FER1L6: variants seen among roughly 807,000 people sequenced by gnomAD.
FER1L6 encodes fer-1 like family member 6, also known as fer-1-like protein 6.
In FER1L6, 177 loss-of-function variants were observed where a neutral mutation model predicts 219.2. The observed-to-expected ratio is 0.81, with a 90% confidence interval of 0.71 to 0.91. The LOEUF is 0.91. Ranked by LOEUF, FER1L6 falls within the 40% of genes least tolerant of loss-of-function variation. The probability of loss-of-function intolerance (pLI) is 0.00; values close to 1 mark genes in which losing one functional copy is unlikely to be tolerated. For synonymous variants in FER1L6, 768 were observed against 824.3 expected, an observed-to-expected ratio of 0.93 and a Z score of 1.17; for missense variants, 2,153 against 2,259.9, an observed-to-expected ratio of 0.95 and a Z score of 0.96.
At chr8:123,968,713 C>A (rs552306377) in intron 5 of FER1L6, among the ~76,000 whole-genome samples, 1 of 152,286 alleles carries the variant, frequency 6.6e-6, no homozygotes, top group East Asian at 1.9e-4. Context: ...AAACAGAAGA[C>A]ACTGAACAGA....
chr8:124,030,312 G>C (rs9297682), intron 18 of FER1L6, among the ~76,000 whole-genome samples: 48,421 of 152,044 alleles, frequency 0.32, 8,023 homozygotes, highest in South Asian at 0.36. Context: ...ATCAGTAACA[G>C]CAATGAAGGT....
chr8:123,946,233 T>C (rs975714160), intron 1 of FER1L6, among the ~76,000 whole-genome samples: 1 of 152,220 alleles, frequency 6.6e-6, no homozygotes, highest in African/African-American at 2.4e-5. Context: ...ATCTGTTTAA[T>C]GAACAGGTTA....
intron 1 of FER1L6, among the ~76,000 whole-genome samples, chr8:123,886,612 A>T (rs1447607400): frequency 6.6e-6 from 1 of 152,214 alleles, no homozygotes. Context: ...TGCTGTAGCA[A>T]CACAAAATAG....
chr8:123,915,507 G>C (rs779190805), intron 1 of FER1L6, among the ~76,000 whole-genome samples: 4 of 152,092 alleles, frequency 2.6e-5, no homozygotes, highest in Non-Finnish European at 4.4e-5. Context: ...ATAGAATTGG[G>C]CTGATTGACT....
chr8:123,977,636 A>C (rs764363045), intron 10 of FER1L6, 27 bp downstream of exon 10: 3 of 1,604,242 alleles, frequency 1.9e-6, no homozygotes, highest in East Asian at 4.5e-5. Flanking sequence ...CTGACTTGAA[A>C]AATGTCTCAA....
intron 31 of FER1L6, among the ~76,000 whole-genome samples, chr8:124,072,560 T>C (rs1383762911): frequency 6.6e-6 from 1 of 152,204 alleles, no homozygotes; most frequent in Non-Finnish European, 1.5e-5. Context: ...GGAACATAAA[T>C]GTAACACAAA....
intron 3 of FER1L6, among the ~76,000 whole-genome samples, chr8:123,963,652 T>C (rs917917629): frequency 3.3e-5 from 5 of 152,204 alleles, no homozygotes; most frequent in Admixed American, 2.0e-4. Context: ...TGAGTGAAGG[T>C]GCTCATGTCG....
rs191033338 is a variant in FER1L6, at chr8:123,931,439, A to G, written c.-7-24553A>G. Among the ~76,000 whole-genome samples the G allele has an allele frequency of 2.0e-5, 3 of 152,268 alleles. No homozygotes were observed. In the East Asian group the frequency reaches 5.8e-4, roughly 29 times the overall value. ...TTGGTTCCATTGAAATTCACTTGCT[A>G]TGTACACATCTGTTGTGAGAAAAAC... On this transcript the variant is annotated intron_variant, in intron 1 of 40. Coordinates refer to ENST00000522917, the MANE Select transcript of FER1L6 (RefSeq NM_001039112.2).
intron 15 of FER1L6, among the ~76,000 whole-genome samples, chr8:124,017,138 G>T (rs1426290354): frequency 1.3e-5 from 2 of 152,002 alleles, no homozygotes; most frequent in Non-Finnish European, 2.9e-5. Context: ...TTCTTGAATG[G>T]CATTCACAAT....
intron 25 of FER1L6, among the ~76,000 whole-genome samples, chr8:124,063,429 C>T (rs1820682050): frequency 6.6e-6 from 1 of 152,182 alleles, no homozygotes; most frequent in Non-Finnish European, 1.5e-5. Flanking sequence ...TTAGCTTTCT[C>T]ATTTAGATCT....
At chr8:124,076,884 G>A (rs929506916) in intron 32 of FER1L6, among the ~76,000 whole-genome samples, 7 of 152,206 alleles carry the variant, frequency 4.6e-5, no homozygotes, top group Non-Finnish European at 8.8e-5. Context: ...GACCCCTGAG[G>A]TCAAAGAGTT....
intron 18 of FER1L6, among the ~76,000 whole-genome samples, chr8:124,025,293 A>G (rs1301328901): frequency 2.0e-5 from 3 of 151,734 alleles, no homozygotes; most frequent in Non-Finnish European, 2.9e-5. Context: ...TTTCTTCCAG[A>G]GTTTTTATGG....
chr8:124,084,903 G>A (rs75171549), intron 33 of FER1L6, among the ~76,000 whole-genome samples: 2,142 of 152,124 alleles, frequency 0.014, 51 homozygotes, highest in African/African-American at 0.049. Flanking sequence ...TCTTTGCTAG[G>A]AGACTTTTTA....
chr8:123,973,450 T>A lies in FER1L6; in HGVS notation c.464T>A (p.Leu155Gln). ...IIKISVFHHK[L>Q]IGSVLIGSFK... is the part of the protein sequence containing the mutation. ...TCTCCTCAGGTCTTTCACCACAAGC[T>A]GATAGGAAGTGTACTGATTGGCTCT... Residue 155 changes from leucine (L) to glutamine (Q), a missense_variant, in exon 7 of 41, where the codon CTG (leucine) becomes CAG (glutamine). Transcript: ENST00000522917. 1 of 1,614,018 alleles carries A rather than the reference T, an allele frequency of 6.2e-7. No homozygotes were observed. The highest frequency in any genetic ancestry group is 8.5e-7 in the Non-Finnish European group (1 of 1,179,890).
In FER1L6 at chr8:123,963,405, T is replaced by C; in HGVS notation, c.197+7T>C. ...CAGCTTCTCCAAAGAGAAGGTACAG[T>C]ATGGATGCAGGTGGTCAACACACAT... On this transcript the variant is annotated splice_region_variant and intron_variant, in intron 3 of 40. Transcript: ENST00000522917. 1 of 1,613,846 alleles carries C rather than the reference T, an allele frequency of 6.2e-7. No homozygotes were observed. The highest frequency in any genetic ancestry group is 1.7e-5 in the Admixed American group (1 of 60,020).
At chr8:124,098,163 T>C (rs773368855) in intron 37 of FER1L6, among the ~76,000 whole-genome samples, 1 of 152,224 alleles carries the variant, frequency 6.6e-6, no homozygotes, top group Non-Finnish European at 1.5e-5. Context: ...TTGTCAGATA[T>C]CTACCTTTAA....
intron 1 of FER1L6, among the ~76,000 whole-genome samples, chr8:123,946,032 T>C (rs1247834209): frequency 6.6e-6 from 1 of 152,184 alleles, no homozygotes; most frequent in African/African-American, 2.4e-5. Flanking sequence ...AGTGTATCTG[T>C]TATCAGAGGT....
rs142719929 is a variant in FER1L6, at chr8:124,019,358, G to A, written c.2013+1640G>A. ...AAATGTCATATTCTCCAGGTAACCA[G>A]CTTTGCCCCTGTCTAGCACCACAGT... On this transcript the variant is annotated intron_variant, in intron 16 of 40. Transcript: ENST00000522917. Among the ~76,000 whole-genome samples, 7 of 152,294 alleles carry A rather than the reference G, an allele frequency of 4.6e-5. No homozygotes were observed. The East Asian group carries it at 1.3e-3, about 29-fold the overall frequency.
At chr8:123,888,313 C>T (rs1338119390) in intron 1 of FER1L6, among the ~76,000 whole-genome samples, 2 of 152,046 alleles carry the variant, frequency 1.3e-5, no homozygotes, top group South Asian at 4.2e-4. Context: ...GATGGGGCTT[C>T]ACTGTGTTGC....
Sources: gnomAD v4.1 joint callset for allele counts (sites outside exome capture counted in the v4.1 genomes callset) on GRCh38, gnomAD v4.1.1 for gene constraint, MANE v1.5 for transcripts, NCBI Gene and HGNC (gene_info 2026-07-23, HGNC 2026-07-21) for gene names.